Variants in DLGAP2 observed in about 807,000 individuals in gnomAD.
DLGAP2 encodes disks large-associated protein 2.
Under a neutral mutation model 100.3 loss-of-function variants are expected in DLGAP2, and 26 were observed. That is an observed-to-expected ratio of 0.26 (90% CI 0.19 to 0.36). The LOEUF is 0.36. DLGAP2 is among the 10% of genes least tolerant of loss of function. The pLI is 1.00. For synonymous variants in DLGAP2, 886 were observed against 630.1 expected, an observed-to-expected ratio of 1.41 and a Z score of -6.08; for missense variants, 1,858 against 1,453.2, an observed-to-expected ratio of 1.28 and a Z score of -4.53.
intron 4 of DLGAP2, among the ~76,000 whole-genome samples, chr8:1,535,053 C>T (rs994571029): frequency 2.0e-5 from 3 of 152,230 alleles, no homozygotes; most frequent in Admixed American, 1.3e-4. Context: ...TTGCAAAGGG[C>T]AGGCACCCGG....
chr8:1,069,513 A>G (rs1285003712), intron 2 of DLGAP2, among the ~76,000 whole-genome samples: 2 of 152,122 alleles, frequency 1.3e-5, no homozygotes, highest in East Asian at 1.9e-4. Context: ...CTTTTTTGAG[A>G]TAACGGTTTC....
At chr8:789,855 T>A (rs2132637837) in intron 1 of DLGAP2, among the ~76,000 whole-genome samples, 1 of 152,284 alleles carries the variant, frequency 6.6e-6, no homozygotes, top group Non-Finnish European at 1.5e-5. Flanking sequence ...ACAAGTGGTA[T>A]TGCCCTGTGT....
intron 2 of DLGAP2, among the ~76,000 whole-genome samples, chr8:1,252,660 C>G (rs1442621028): frequency 9.2e-5 from 14 of 152,264 alleles, no homozygotes; most frequent in Non-Finnish European, 2.9e-5. Context: ...GTTTCGTGCT[C>G]TGTGCTGTGT....
At chr8:890,019 G>A (rs1043927567) in intron 1 of DLGAP2, among the ~76,000 whole-genome samples, 2 of 152,036 alleles carry the variant, frequency 1.3e-5, no homozygotes, top group African/African-American at 4.8e-5. Flanking sequence ...TTCCCCGTGT[G>A]TTTCTCGGGT....
intron 2 of DLGAP2, among the ~76,000 whole-genome samples, chr8:1,167,450 G>GTT (rs1359604568): frequency 2.0e-5 from 3 of 152,144 alleles, no homozygotes; most frequent in African/African-American, 7.2e-5. Context: ...GGGAAGCAGA[G>GTT]TTTCAGGGTT....
chr8:1,312,604 G>C (rs1019995703), intron 3 of DLGAP2, among the ~76,000 whole-genome samples: 2 of 152,222 alleles, frequency 1.3e-5, no homozygotes, highest in African/African-American at 2.4e-5. Context: ...TGCATGTGCA[G>C]CGTTGCGAAT....
intron 3 of DLGAP2, among the ~76,000 whole-genome samples, chr8:1,415,106 A>G (rs1796842323): frequency 6.6e-6 from 1 of 152,228 alleles, no homozygotes; most frequent in African/African-American, 2.4e-5. Flanking sequence ...ATACGTGTAC[A>G]CACATGTGCA....
chr8:1,676,950 T>C (rs147432827), intron 11 of DLGAP2, among the ~76,000 whole-genome samples: 415 of 152,326 alleles, frequency 2.7e-3, no homozygotes, highest in Admixed American at 7.0e-3. Context: ...CGCCTTGTCA[T>C]GTTACACGTA....
Position 1,683,540 on chromosome 8 carries a change from C to T in DLGAP2, c.2704+4911C>T, listed in dbSNP as rs576377434. Among the ~76,000 whole-genome samples the T allele has an allele frequency of 5.6e-4, 84 of 151,192 alleles. 5 individuals are homozygous for T. The highest frequency in any genetic ancestry group is 9.9e-4 in the Non-Finnish European group (67 of 67,530). Reference sequence around the variant, plus strand: ...CTGCTGTCATTTGAGATTTTAGGCTCCTTCAATGAAGTGGCCACATTTGAC... The same window carrying T: ...CTGCTGTCATTTGAGATTTTAGGCTTCTTCAATGAAGTGGCCACATTTGAC... On this transcript the variant is annotated intron_variant, in intron 12 of 14. Transcript: ENST00000637795.
At chr8:1,269,881 G>A (rs1418122324) in intron 3 of DLGAP2, among the ~76,000 whole-genome samples, 1 of 152,176 alleles carries the variant, frequency 6.6e-6, no homozygotes, top group Non-Finnish European at 1.5e-5. Flanking sequence ...CTCGCTGAGT[G>A]ACTCATTTTC....
intron 3 of DLGAP2, among the ~76,000 whole-genome samples, chr8:1,423,702 T>C (rs945592990): frequency 6.6e-6 from 1 of 152,150 alleles, no homozygotes; most frequent in African/African-American, 2.4e-5. Context: ...GCTAACACCA[T>C]TGACAGAGTG....
At chr8:1,601,043 G>A (rs1225809882) in intron 6 of DLGAP2, among the ~76,000 whole-genome samples, 3 of 152,086 alleles carry the variant, frequency 2.0e-5, no homozygotes, top group African/African-American at 7.2e-5. Context: ...GGTGACTTTC[G>A]GATAGGGTTT....
intron 7 of DLGAP2, among the ~76,000 whole-genome samples, chr8:1,629,661 T>C (rs1456831008): frequency 6.6e-6 from 1 of 152,230 alleles, no homozygotes; most frequent in Non-Finnish European, 1.5e-5. Context: ...TCCCTTTCAG[T>C]GGATATAACC....
At chr8:978,513 G>A (rs1183665286) in intron 2 of DLGAP2, among the ~76,000 whole-genome samples, 1 of 96,814 alleles carries the variant, frequency 1.0e-5, no homozygotes, top group African/African-American at 3.4e-5. Flanking sequence ...CTTTGGTGAC[G>A]TGGGGAGGGC....
chr8:1,208,422 C>A (rs1303889026), intron 2 of DLGAP2, among the ~76,000 whole-genome samples: 1 of 152,262 alleles, frequency 6.6e-6, no homozygotes, highest in Admixed American at 6.5e-5. Flanking sequence ...TGAGAAAATC[C>A]AGCATCACTT....
intron 3 of DLGAP2, among the ~76,000 whole-genome samples, chr8:1,469,543 G>T (rs546872672): frequency 6.6e-6 from 1 of 152,298 alleles, no homozygotes; most frequent in African/African-American, 2.4e-5. Flanking sequence ...GACCTTGCCT[G>T]CTCCTTCGCT....
At chr8:966,383 TAAAAAGA>T (rs1799871745) in intron 2 of DLGAP2, among the ~76,000 whole-genome samples, 1 of 152,204 alleles carries the variant, frequency 6.6e-6, no homozygotes. Flanking sequence ...AAATATCATT[TAAAAAGA>T]TAAGTATCGA....
intron 8 of DLGAP2, among the ~76,000 whole-genome samples, chr8:1,664,704 A>G (rs1179305885): frequency 6.6e-6 from 1 of 152,224 alleles, no homozygotes; most frequent in African/African-American, 2.4e-5. Context: ...TCAATATTGC[A>G]GCCTTGCTGA....
At chr8:1,382,595 T>C (rs550357864) in intron 3 of DLGAP2, among the ~76,000 whole-genome samples, 1 of 152,202 alleles carries the variant, frequency 6.6e-6, no homozygotes, top group East Asian at 1.9e-4. Context: ...TTTTAAAAAA[T>C]TAGCAGTGCA....
Sources: allele counts gnomAD v4.1 joint callset (sites outside exome capture counted in the v4.1 genomes callset), GRCh38; gene constraint gnomAD v4.1.1; transcripts MANE v1.5; gene names NCBI Gene and HGNC (gene_info 2026-07-23, HGNC 2026-07-21).